TRPC6: variants seen among roughly 807,000 people sequenced by gnomAD.
TRPC6 encodes short transient receptor potential channel 6.
In TRPC6, 55 loss-of-function variants were observed where a neutral mutation model predicts 90.7. The observed-to-expected ratio is 0.61, with a 90% CI of 0.49 to 0.76. The LOEUF (loss-of-function observed/expected upper bound fraction) is 0.76. Ranked by LOEUF, TRPC6 falls within the 30% of genes least tolerant of loss-of-function variation. TRPC6 has a pLI of 0.00. For synonymous variants in TRPC6, 393 were observed against 393.0 expected (o/e 1.00, Z 0.00); for missense variants, 989 against 1,122.7 (o/e 0.88, Z 1.70).
chr11:101,556,257 A>G (rs143187367), intron 1 of TRPC6, among the ~76,000 whole-genome samples: 2 of 152,308 alleles, frequency 1.3e-5, no homozygotes, highest in African/African-American at 2.4e-5. Flanking sequence ...GAAACAATCC[A>G]AAAGATCAAC....
chr11:101,489,024 T>A lies in TRPC6; in HGVS notation c.1206A>T (p.Thr402=). The change falls in exon 4 of 13, where the codon ACA becomes ACT. Residue 402 remains threonine, a synonymous_variant. Coordinates refer to ENST00000344327, the MANE Select transcript of TRPC6 (RefSeq NM_004621.6). ...GGACCACAAGGAACTTGACCGCCAT[T>A]GTCTGCTGTCGTAAACCAGAAAGAT... ...YENLSGLRQQ[T]MAVKFLVVLA... is the part of the protein sequence containing the mutation. 4 of 1,614,188 alleles carry A rather than the reference T, an allele frequency of 2.5e-6. No homozygotes were observed. Among genetic ancestry groups the A allele is most frequent in the Non-Finnish European group, 3.4e-6 (4 of 1,180,010 alleles).
chr11:101,534,383 A>C (rs1195606914), intron 1 of TRPC6, among the ~76,000 whole-genome samples: 6 of 152,050 alleles, frequency 3.9e-5, no homozygotes, highest in Non-Finnish European at 8.8e-5. Flanking sequence ...TGATCGACCC[A>C]CCTCAGCCTC....
intron 1 of TRPC6, among the ~76,000 whole-genome samples, chr11:101,507,006 AACAC>A (rs10590147): frequency 0.12 from 15,906 of 130,852 alleles, 832 homozygotes; most frequent in East Asian, 0.17. Context: ...CTCTCTCTCT[AACAC>A]ACACACACAC....
At chr11:101,509,447 G>C (rs6590877) in intron 1 of TRPC6, among the ~76,000 whole-genome samples, 67,278 of 151,776 alleles carry the variant, frequency 0.44, 15,177 homozygotes, top group African/African-American at 0.49. Context: ...AACTTTACTT[G>C]TATCTCAATT....
At chr11:101,463,663 A>ATCATTTTTTATTGCATCTATT (rs1859063137) in intron 10 of TRPC6, among the ~76,000 whole-genome samples, 2 of 152,128 alleles carry the variant, frequency 1.3e-5, no homozygotes. Flanking sequence ...TATCCCCTAT[A>ATCATTTTTTATTGCATCTATT]TCATTTTTTA....
rs1360883044 is a variant in TRPC6, at chr11:101,452,397, G to A, written c.*558C>T. The A allele has an allele frequency of 1.3e-5, 2 of 154,986 alleles. No homozygotes were observed. Among genetic ancestry groups the A allele is most frequent in the African/African-American group, 4.8e-5 (2 of 41,460 alleles). 9.6% of individuals were successfully genotyped at this position (154,986 alleles called of 1,614,324 possible). On this transcript the variant is annotated 3_prime_UTR_variant, in exon 13 of 13. Coordinates refer to ENST00000344327, the MANE Select transcript of TRPC6 (RefSeq NM_004621.6). ...ATGAATCAGAAAATTTTACATAGAT[G>A]TAAGACCATTTTGTATGAACGGTAT...
At chr11:101,517,571 A>G (rs563640813) in intron 1 of TRPC6, among the ~76,000 whole-genome samples, 52 of 152,318 alleles carry the variant, frequency 3.4e-4, no homozygotes, top group African/African-American at 1.0e-3. Flanking sequence ...CATGGAATAC[A>G]TTTCTGCATT....
intron 1 of TRPC6, among the ~76,000 whole-genome samples, chr11:101,531,760 T>C (rs1465829398): frequency 6.6e-6 from 1 of 152,196 alleles, no homozygotes; most frequent in Admixed American, 6.5e-5. Flanking sequence ...CCAGTTAGTA[T>C]TGACATTATA....
At chr11:101,459,079 G>A (rs140135022) in intron 10 of TRPC6, among the ~76,000 whole-genome samples, 11 of 152,236 alleles carry the variant, frequency 7.2e-5, no homozygotes, top group Non-Finnish European at 7.4e-5. Flanking sequence ...AATGTATGTC[G>A]TAAAACCAAG....
At chr11:101,571,839 C>A (rs1861971419) in intron 1 of TRPC6, among the ~76,000 whole-genome samples, 2 of 152,124 alleles carry the variant, frequency 1.3e-5, no homozygotes, top group South Asian at 4.1e-4. Context: ...GAAACTGGAT[C>A]CCTTCCTTAC....
chr11:101,568,005 GA>G (rs1386409654), intron 1 of TRPC6, among the ~76,000 whole-genome samples: 2 of 152,134 alleles, frequency 1.3e-5, no homozygotes, highest in African/African-American at 4.8e-5. Context: ...AACAAAACTA[GA>G]TGGAGAATGA....
rs186026673 is a variant in TRPC6, at chr11:101,456,622, C to T, written c.2485-1521G>A. Reference sequence around the variant, plus strand: ...ATGGAATGCTTAGCAGCACCCCTGGCCTCTAATCTACAGACTAGATGCCAG... The same window carrying T: ...ATGGAATGCTTAGCAGCACCCCTGGTCTCTAATCTACAGACTAGATGCCAG... On this transcript the variant is annotated intron_variant, in intron 10 of 12. Coordinates refer to ENST00000344327, the MANE Select transcript of TRPC6 (RefSeq NM_004621.6). Among the ~76,000 whole-genome samples, 108 of 152,228 alleles carry T rather than the reference C, an allele frequency of 7.1e-4. 4 individuals carry two copies. The East Asian group carries it at 0.019, about 27-fold the overall frequency.
intron 10 of TRPC6, among the ~76,000 whole-genome samples, chr11:101,466,129 G>A (rs889614859): frequency 9.9e-5 from 15 of 152,144 alleles, no homozygotes; most frequent in African/African-American, 3.6e-4. Flanking sequence ...ATTGCTGCCT[G>A]TTCTTTCCTC....
chr11:101,494,617 C>T (rs1251085735), intron 2 of TRPC6, among the ~76,000 whole-genome samples: 1 of 152,112 alleles, frequency 6.6e-6, no homozygotes, highest in Non-Finnish European at 1.5e-5. Flanking sequence ...AAGCAGTGCT[C>T]TCTAGAATTC....
intron 1 of TRPC6, among the ~76,000 whole-genome samples, chr11:101,575,892 C>A (rs919855218): frequency 1.3e-5 from 2 of 152,092 alleles, no homozygotes; most frequent in African/African-American, 4.8e-5. Flanking sequence ...GTGTGGCTTT[C>A]CAAATTCCTA....
chr11:101,471,959 A>G (rs1859301936), intron 8 of TRPC6, among the ~76,000 whole-genome samples, 178 bp downstream of exon 8: 1 of 152,188 alleles, frequency 6.6e-6, no homozygotes, highest in Admixed American at 6.5e-5. Context: ...CACCTTACTG[A>G]TGTTGCATTT....
chr11:101,560,859 T>C (rs1160576368), intron 1 of TRPC6, among the ~76,000 whole-genome samples: 1 of 151,850 alleles, frequency 6.6e-6, no homozygotes, highest in African/African-American at 2.4e-5. Flanking sequence ...AGCACAAAGA[T>C]GGGGAAGAAG....
intron 1 of TRPC6, among the ~76,000 whole-genome samples, chr11:101,574,299 G>A (rs952769682): frequency 2.7e-5 from 4 of 150,850 alleles, no homozygotes; most frequent in African/African-American, 9.9e-5. Context: ...TTAATTATGT[G>A]CATAAGAGTT....
chr11:101,539,479 T>C (rs1861124858), intron 1 of TRPC6, among the ~76,000 whole-genome samples: 1 of 152,242 alleles, frequency 6.6e-6, no homozygotes, highest in South Asian at 2.1e-4. Flanking sequence ...GCAGGCCTTT[T>C]GGCTACTGCT....
Sources: allele counts gnomAD v4.1 joint callset (sites outside exome capture counted in the v4.1 genomes callset), GRCh38; gene constraint gnomAD v4.1.1; transcripts MANE v1.5; gene names NCBI Gene and HGNC (gene_info 2026-07-23, HGNC 2026-07-21).